The following ASXL1 variants were observed in gnomAD, a reference collection of about 807,000 sequenced individuals.
ASXL1 encodes ASXL transcriptional regulator 1, also known as polycomb group protein ASXL1.
ASXL1 carries 65 observed loss-of-function variants against 89.1 expected under a neutral mutation model. That is an observed-to-expected ratio of 0.73 (90% CI 0.60 to 0.90). The LOEUF (loss-of-function observed/expected upper bound fraction) is 0.90, where lower values mean the gene tolerates loss of function less well. ASXL1 is among the 40% of genes least tolerant of loss of function. The pLI is 0.00. For missense variants in ASXL1, 1,786 were observed against 1,942.9 expected, an observed-to-expected ratio of 0.92 and a Z score of 1.52; for synonymous variants, 739 against 746.9, an observed-to-expected ratio of 0.99 and a Z score of 0.17.
At chr20:32,407,505 C>A (rs1021764949) in intron 4 of ASXL1, among the ~76,000 whole-genome samples, 12 of 152,140 alleles carry the variant, frequency 7.9e-5, no homozygotes, top group African/African-American at 2.9e-4. Flanking sequence ...CTCTGTCACC[C>A]ACGCTAGAGT....
At chr20:32,424,600 C>T (rs1350387367) in intron 4 of ASXL1, among the ~76,000 whole-genome samples, 1 of 152,142 alleles carries the variant, frequency 6.6e-6, no homozygotes, top group Non-Finnish European at 1.5e-5. Context: ...AAGAATTTCT[C>T]TTGCATTTTT....
At chr20:32,378,725 A>G (rs997477640) in intron 4 of ASXL1, among the ~76,000 whole-genome samples, 14 of 152,014 alleles carry the variant, frequency 9.2e-5, no homozygotes, top group African/African-American at 3.1e-4. Flanking sequence ...CTGAAATACT[A>G]TGCTTTTATA....
At position 32,369,055 on chromosome 20, in the gene ASXL1, T is replaced by G; in HGVS notation, c.184T>G (p.Ser62Ala). 6.2e-7 allele frequency: 1 copy of G among 1,614,106 alleles called. No individual in the cohort carries two copies. The highest frequency in any genetic ancestry group is 8.5e-7 in the Non-Finnish European group (1 of 1,179,984). Residue 62 changes from serine to alanine, a missense_variant, in exon 4 of 13, where the codon TCC becomes GCC. By Grantham distance (99) the Ser-to-Ala change is moderately conservative. Transcript: ENST00000375687. ...CGCATGCCTCAATGCTATGCTACAT[T>G]CCAATTCAAGAGGAGGAGAGGGGTT... Reference protein sequence around the residue: ...PLACLNAMLHSNSRGGEGLFY... With the variant: ...PLACLNAMLHANSRGGEGLFY...
In ASXL1 at chr20:32,375,930, ACCTCAG is replaced by A. The variant is rs2048370855; in HGVS notation, c.252+6812_252+6817del. ...CTCCTGGACTCGAAGCAATCCTCCC[ACCTCAG>A]CCTCCCAAAGTGCTGGGATTTATAG... On this transcript the variant is annotated intron_variant, in intron 4 of 12. Coordinates refer to ENST00000375687, the MANE Select transcript of ASXL1 (RefSeq NM_015338.6). 3.9e-5 allele frequency among the ~76,000 whole-genome samples: 6 copies of A among 152,004 alleles called. No individual in the cohort carries two copies. The South Asian group carries it at 1.3e-3, about 32-fold the overall frequency.
chr20:32,428,763 C>T (rs754344394), intron 6 of ASXL1: 265 of 296,108 alleles, frequency 8.9e-4, no homozygotes, highest in Non-Finnish European at 1.5e-3. Flanking sequence ...GGGGTTCAAG[C>T]AATTCTCCTG....
At position 32,436,358 on chromosome 20, in the gene ASXL1, G is replaced by C. The variant is rs200817247; in HGVS notation, c.3646G>C (p.Val1216Leu). Residue 1216 changes from valine to leucine, a missense_variant, in exon 13 of 13, where the codon GTG becomes CTG. Around this residue, in one of 3 missense-constraint regions of ASXL1, gnomAD observed 1,418 missense variants for 1,427.8 expected, o/e 0.99. Transcript: ENST00000375687. ...CCCAAGTTTTGACTCCCTCCATCCA[G>C]TGACAAATCCCATTACATCCTCTAG... Reference protein sequence around the residue: ...AVPSFDSLHPVTNPITSSRKL... With the variant: ...AVPSFDSLHPLTNPITSSRKL... 6 of 1,613,762 alleles carry C rather than the reference G, an allele frequency of 3.7e-6. No individual in the cohort carries two copies. In the East Asian group the frequency reaches 1.3e-4, roughly 36 times the overall value.
In ASXL1 at chr20:32,437,361, T is replaced by C. The variant is rs1223076692; in HGVS notation, c.*23T>C. 6.2e-7 allele frequency: 1 copy of C among 1,606,846 alleles called. No homozygotes were observed. Among genetic ancestry groups the C allele is most frequent in the Non-Finnish European group, 8.5e-7 (1 of 1,173,554 alleles). On this transcript the variant is annotated 3_prime_UTR_variant, in exon 13 of 13. Coordinates refer to ENST00000375687, the MANE Select transcript of ASXL1 (RefSeq NM_015338.6). ...TAATAAATTATGGCCATGGGAAACA[T>C]TGTATATTTAGTGTGTGTATTTTGA...
At chr20:32,362,286 T>C (rs898603714) in intron 1 of ASXL1, among the ~76,000 whole-genome samples, 2 of 152,184 alleles carry the variant, frequency 1.3e-5, no homozygotes, top group African/African-American at 4.8e-5. Context: ...CGCTTTCAGA[T>C]TGCTCCTGAC....
At position 32,367,734 on chromosome 20, in the gene ASXL1, A is replaced by T. The variant is rs779520394; in HGVS notation, c.143+5A>T. 2.6e-6 allele frequency: 2 copies of T among 780,810 alleles called. No individual in the cohort carries two copies. Among genetic ancestry groups the T allele is most frequent in the Admixed American group, 1.7e-5 (1 of 59,026 alleles). The allele number at this position is 780,810 out of a possible 1,614,324, so 48.4% of individuals were successfully genotyped here. ...GGACCACTTTGCCTATAGAAGGTAAATGAGTCCCTTTGGGACATATGGAAT... is the reference window on the plus strand; with the variant it reads ...GGACCACTTTGCCTATAGAAGGTAATTGAGTCCCTTTGGGACATATGGAAT... On this transcript the variant is annotated splice_donor_5th_base_variant and intron_variant, in intron 3 of 12. Transcript: ENST00000375687.
At chr20:32,391,422 T>C (rs1188916054) in intron 4 of ASXL1, among the ~76,000 whole-genome samples, 1 of 152,192 alleles carries the variant, frequency 6.6e-6, no homozygotes, top group African/African-American at 2.4e-5. Flanking sequence ...TAATTTCTGT[T>C]TAACTTTTAA....
At chr20:32,383,262 GT>G (rs2048519567) in intron 4 of ASXL1, among the ~76,000 whole-genome samples, 1 of 150,856 alleles carries the variant, frequency 6.6e-6, no homozygotes, top group Non-Finnish European at 1.5e-5. Flanking sequence ...TTAGGCTGGA[GT>G]TTTTGTACTC....
chr20:32,429,334 G>A lies in ASXL1; in HGVS notation c.472-4G>A, dbSNP rs370731960. 6.8e-5 allele frequency: 110 copies of A among 1,613,722 alleles called. No individual in the cohort carries two copies. Among genetic ancestry groups the A allele is most frequent in the Middle Eastern group, 1.6e-4 (1 of 6,078 alleles). ...GCTCTCTTTTGTTCTCTCTTGGAACGCAGGCGAACAAACAAAAGAAAAAGA... is the reference window on the plus strand; with the variant it reads ...GCTCTCTTTTGTTCTCTCTTGGAACACAGGCGAACAAACAAAAGAAAAAGA... On this transcript the variant is annotated splice_region_variant and splice_polypyrimidine_tract_variant and intron_variant, in intron 6 of 12. Transcript: ENST00000375687. The surrounding 1 kb of genome is among the most constrained non-coding windows in gnomAD (Gnocchi z 4.9).
chr20:32,381,672 G>A (rs1264008881), intron 4 of ASXL1, among the ~76,000 whole-genome samples: 1 of 151,634 alleles, frequency 6.6e-6, no homozygotes, highest in Non-Finnish European at 1.5e-5. Flanking sequence ...CTGCTACCAC[G>A]CCCGGCTAAT....
intron 4 of ASXL1, among the ~76,000 whole-genome samples, chr20:32,397,990 T>C (rs1395858484): frequency 6.6e-6 from 1 of 152,240 alleles, no homozygotes; most frequent in East Asian, 1.9e-4. Context: ...GTGAAACAAA[T>C]TTACCAATTG....
rs1423108288 is a variant in ASXL1, at chr20:32,359,367, C to T, written c.57+535C>T. Reference sequence around the variant, plus strand: ...GAGGGAAGCAAGTGCTTACTCCCAGCTTGAACCCTGAGCAGCGGTTCTCTA... The same window carrying T: ...GAGGGAAGCAAGTGCTTACTCCCAGTTTGAACCCTGAGCAGCGGTTCTCTA... On this transcript the variant is annotated intron_variant, in intron 1 of 12. Transcript: ENST00000375687. The T allele has an allele frequency of 5.7e-6, 4 of 702,556 alleles. No homozygotes were observed. In the East Asian group the frequency reaches 8.0e-5, roughly 14 times the overall value. 43.5% of individuals were successfully genotyped at this position (702,556 alleles called of 1,614,324 possible).
intron 4 of ASXL1, among the ~76,000 whole-genome samples, chr20:32,399,747 C>CTTTT (rs369127811): frequency 4.1e-5 from 3 of 73,874 alleles, no homozygotes; most frequent in African/African-American, 2.0e-4. Flanking sequence ...ATATTTTACT[C>CTTTT]TTTTTTTTTT....
At chr20:32,423,029 C>G (rs1455169088) in intron 4 of ASXL1, among the ~76,000 whole-genome samples, 1 of 151,910 alleles carries the variant, frequency 6.6e-6, no homozygotes, top group African/African-American at 2.4e-5. Flanking sequence ...TTTCAGTAAC[C>G]CATTTCGTTT....
At chr20:32,365,975 T>A (rs6058665) in intron 1 of ASXL1, among the ~76,000 whole-genome samples, 3,222 of 152,100 alleles carry the variant, frequency 0.021, 112 homozygotes, top group African/African-American at 0.074. Flanking sequence ...AATACAAAAA[T>A]TAGTGTGTGT....
intron 4 of ASXL1, among the ~76,000 whole-genome samples, chr20:32,385,196 A>G (rs1483564868): frequency 1.3e-5 from 2 of 152,196 alleles, no homozygotes; most frequent in African/African-American, 2.4e-5. Context: ...TGAAGCATAA[A>G]TATGTTTCCA....
Sources: gnomAD v4.1 joint callset for allele counts (sites outside exome capture counted in the v4.1 genomes callset) on GRCh38, gnomAD v4.1.1 for gene constraint, gnomAD v4.1.1 regional missense constraint, Gnocchi (gnomAD v3.1) non-coding constraint, MANE v1.5 for transcripts, NCBI Gene and HGNC (gene_info 2026-07-23, HGNC 2026-07-21) for gene names.